HPS3: variants seen among roughly 807,000 people sequenced by gnomAD.
HPS3 encodes BLOC-2 complex member HPS3.
A neutral mutation model predicts 110.9 loss-of-function variants in HPS3; 79 were observed. The observed-to-expected ratio is 0.71, with a 90% CI of 0.59 to 0.86. HPS3 has a LOEUF of 0.86. Among genes scored for constraint, HPS3 ranks in the 40% least tolerant of loss-of-function variants. HPS3 has a pLI of 0.00. For missense variants in HPS3, 1,197 were observed against 1,206.2 expected (o/e 0.99, Z 0.11); for synonymous variants, 428 against 451.0 (o/e 0.95, Z 0.65).
In HPS3 at chr3:149,129,734, T is replaced by C; in HGVS notation, c.11T>C (p.Leu4Pro). 2.5e-6 allele frequency: 4 copies of C among 1,601,060 alleles called. No homozygotes were observed. The highest frequency in any genetic ancestry group is 3.4e-6 in the Non-Finnish European group (4 of 1,176,504). The stretch of plus-strand genomic sequence containing the variant: ...CCGCCGGACGTCGGGATGGTGCAGC[T>C]GTACAACCTGCACCCGTTCGGGTCG... MVQ[L>P]YNLHPFGSQQ... is the part of the protein sequence containing the mutation. The change falls in exon 1 of 17, where the codon CTG (leucine) becomes CCG (proline). Residue 4 changes from leucine to proline, a missense_variant. By Grantham distance (98) the Leu-to-Pro change is moderately conservative. Transcript: ENST00000296051.
intron 1 of HPS3, among the ~76,000 whole-genome samples, chr3:149,133,165 T>A (rs1225444955): frequency 6.6e-6 from 1 of 152,268 alleles, no homozygotes; most frequent in African/African-American, 2.4e-5. Flanking sequence ...TTTGAAAAGA[T>A]TAACTCCAAT....
chr3:149,140,010 A>T lies in HPS3; in HGVS notation c.224A>T (p.Tyr75Phe), dbSNP rs765540129. ...LRLAYSEAGD[Y>F]LVAIEEKNKA... ...AATCTTCATTCCTTCTCAGGAGATT[A>T]TTTGGTAGCAATTGAAGAGAAAAAC... The change falls in exon 2 of 17, where the codon TAT becomes TTT. Residue 75 changes from tyrosine to phenylalanine, a missense_variant. Tyr to Phe is a conservative substitution (Grantham distance 22, BLOSUM62 3). Transcript: ENST00000296051. The T allele has an allele frequency of 1.5e-5, 24 of 1,612,740 alleles. No individual in the cohort carries two copies. The highest frequency in any genetic ancestry group is 5.1e-6 in the Non-Finnish European group (6 of 1,179,022).
At chr3:149,144,383 AAAAAAT>A (rs916427465) in intron 4 of HPS3, among the ~76,000 whole-genome samples, 3 of 152,178 alleles carry the variant, frequency 2.0e-5, no homozygotes, top group Non-Finnish European at 2.9e-5. Flanking sequence ...ACTCCGTCTC[AAAAAAT>A]AAAAATAAAA....
chr3:149,149,878 C>T (rs1196195131), intron 5 of HPS3, among the ~76,000 whole-genome samples: 1 of 152,140 alleles, frequency 6.6e-6, no homozygotes, highest in African/African-American at 2.4e-5. Context: ...TGTGCACTTA[C>T]TGTGGAGTCC....
intron 5 of HPS3, among the ~76,000 whole-genome samples, chr3:149,149,214 C>A (rs910889030): frequency 6.6e-6 from 1 of 151,342 alleles, no homozygotes; most frequent in African/African-American, 2.4e-5. Flanking sequence ...CCGCCTGTCT[C>A]GGCCTCCCAA....
At chr3:149,170,240 A>G (rs942087655) in intron 16 of HPS3, among the ~76,000 whole-genome samples, 1 of 152,192 alleles carries the variant, frequency 6.6e-6, no homozygotes. Flanking sequence ...GAAGAGGAGA[A>G]TTGGGAAGTG....
intron 1 of HPS3, chr3:149,130,353 A>G (rs1721684981): frequency 5.2e-6 from 1 of 193,706 alleles, no homozygotes; most frequent in African/African-American, 2.4e-5. Flanking sequence ...TCCCAGCTTT[A>G]ACAATTATTC....
intron 1 of HPS3, 186 bp downstream of exon 1, chr3:149,130,126 G>A: frequency 1.6e-6 from 1 of 614,120 alleles, no homozygotes; most frequent in Non-Finnish European, 2.9e-6. Flanking sequence ...CGGTTGTCGC[G>A]GCAAGCATAG....
chr3:149,139,094 GC>G, intron 1 of HPS3, among the ~76,000 whole-genome samples: 1 of 152,254 alleles, frequency 6.6e-6, no homozygotes, highest in African/African-American at 2.4e-5. Flanking sequence ...AAACATAGTG[GC>G]AAAAAACCCT....
chr3:149,136,156 A>ATG (rs1406249881), intron 1 of HPS3, among the ~76,000 whole-genome samples: 5 of 151,288 alleles, frequency 3.3e-5, no homozygotes, highest in Non-Finnish European at 2.9e-5. Context: ...GTTTCTACAT[A>ATG]TGTGTGTGTG....
chr3:149,154,960 C>T, intron 7 of HPS3, 147 bp from the exon 8 acceptor site: 1 of 624,000 alleles, frequency 1.6e-6, no homozygotes, highest in Non-Finnish European at 2.9e-6. Flanking sequence ...ACTAATATTC[C>T]ATAGAAATAG....
intron 14 of HPS3, among the ~76,000 whole-genome samples, 158 bp from the exon 15 acceptor site, chr3:149,166,876 A>T (rs1724477409): frequency 1.3e-5 from 2 of 152,212 alleles, no homozygotes; most frequent in African/African-American, 4.8e-5. Flanking sequence ...TTATACTTAG[A>T]TTTATTAAAT....
intron 9 of HPS3, 70 bp downstream of exon 9, chr3:149,157,601 C>T: frequency 7.2e-7 from 1 of 1,395,592 alleles, no homozygotes. Context: ...TTAGCTTTTC[C>T]ATCTCTGGTA....
chr3:149,165,568 C>A (rs1724335266), intron 14 of HPS3, among the ~76,000 whole-genome samples: 2 of 152,024 alleles, frequency 1.3e-5, no homozygotes, highest in Non-Finnish European at 2.9e-5. Context: ...CCTCCAACTC[C>A]TGGGCTCAAG....
intron 5 of HPS3, among the ~76,000 whole-genome samples, chr3:149,148,139 C>T (rs1241903453): frequency 2.6e-5 from 4 of 152,090 alleles, no homozygotes; most frequent in African/African-American, 9.7e-5. Context: ...TCCCAAAGTG[C>T]TGGGATTACA....
At chr3:149,162,056 C>T in intron 11 of HPS3, 92 bp from the exon 12 acceptor site, 1 of 984,038 alleles carries the variant, frequency 1.0e-6, no homozygotes, top group East Asian at 2.5e-5. Context: ...CTTAACCATG[C>T]ATTGTGAATG....
At chr3:149,168,608 C>T (rs1724669467) in intron 16 of HPS3, 1 of 152,280 alleles carries the variant, frequency 6.6e-6, no homozygotes, top group South Asian at 2.1e-4. Context: ...TTGTGTTTTC[C>T]AGCCAAGACA....
chr3:149,172,231 T>C lies in HPS3; in HGVS notation c.*9T>C, dbSNP rs764779503. 1 of 1,611,314 alleles carries C rather than the reference T, an allele frequency of 6.2e-7. No individual in the cohort carries two copies. The highest frequency in any genetic ancestry group is 1.3e-5 in the African/African-American group (1 of 74,786). ...AGAAACCATTGACTTAAAGGTATCA[T>C]TTGAAAAATACCATAATGGCATTTG... On this transcript the variant is annotated 3_prime_UTR_variant, in exon 17 of 17. Transcript: ENST00000296051.
In HPS3 at chr3:149,129,656, G is replaced by A. The variant is rs1160454638; in HGVS notation, c.-68G>A. On this transcript the variant is annotated 5_prime_UTR_variant, in exon 1 of 17. Transcript: ENST00000296051. ...CGCTCGCGGAAGTAGTCCTACATTC[G>A]CGGTCAGCGCGGGGTCTCCGGGCGC... 3 of 1,238,966 alleles carry A rather than the reference G, an allele frequency of 2.4e-6. No individual in the cohort carries two copies. The Admixed American group carries it at 8.4e-5, about 35-fold the overall frequency. 76.7% of individuals were successfully genotyped at this position (1,238,966 alleles called of 1,614,324 possible).
Sources: gnomAD v4.1 joint callset for allele counts (sites outside exome capture counted in the v4.1 genomes callset) on GRCh38, gnomAD v4.1.1 for gene constraint, MANE v1.5 for transcripts, NCBI Gene and HGNC (gene_info 2026-07-23, HGNC 2026-07-21) for gene names.